The following OTUD7B variants were observed in gnomAD, a reference collection of about 807,000 sequenced individuals.
The protein encoded by OTUD7B is OTU domain-containing protein 7B.
Under a neutral mutation model 82.2 loss-of-function variants are expected in OTUD7B, and 34 were observed. The observed-to-expected ratio is 0.41, with a 90% CI of 0.31 to 0.55. OTUD7B has a LOEUF of 0.55. Among genes scored for constraint, OTUD7B ranks in the 20% least tolerant of loss-of-function variants. The pLI is 0.20. For synonymous variants in OTUD7B, 398 were observed against 402.7 expected (o/e 0.99, Z 0.14); for missense variants, 944 against 1,062.1 (o/e 0.89, Z 1.55).
the OTUD7B span, among the ~76,000 whole-genome samples, chr1:150,036,398 T>C: frequency 1.3e-5 from 2 of 151,828 alleles, no homozygotes; most frequent in African/African-American, 4.8e-5. Flanking sequence ...TAGCTGGGAT[T>C]ACAGGCATGT....
chr1:150,030,655 A>G, the OTUD7B span, among the ~76,000 whole-genome samples: 3 of 152,166 alleles, frequency 2.0e-5, no homozygotes, highest in Admixed American at 2.0e-4. Flanking sequence ...GCTTCTTGAA[A>G]TGTACACCAA....
intron 6 of OTUD7B, chr1:149,960,923 CTTTTTTTTTT>C (rs781962716): frequency 1.1e-5 from 1 of 91,598 alleles, no homozygotes; most frequent in Admixed American, 1.6e-4. Flanking sequence ...TGGATACCTT[CTTTTTTTTTT>C]TTTTTTTTTT....
chr1:149,958,027 G>A (rs1317748028), intron 7 of OTUD7B, among the ~76,000 whole-genome samples: 1 of 152,162 alleles, frequency 6.6e-6, no homozygotes, highest in Admixed American at 6.5e-5. Context: ...ACGCTCCGTG[G>A]GCTATACCCA....
chr1:149,995,811 G>A (rs1651886472), intron 1 of OTUD7B, among the ~76,000 whole-genome samples: 1 of 152,120 alleles, frequency 6.6e-6, no homozygotes, highest in Non-Finnish European at 1.5e-5. Flanking sequence ...CACGGTAATA[G>A]TGGCCGTAAT....
At position 149,940,497 on chromosome 1, in the gene OTUD7B, G is replaced by A. The variant is rs2092754077; in HGVS notation, c.*3360C>T. 1 of 152,110 alleles carries A rather than the reference G, an allele frequency of 6.6e-6. No individual in the cohort carries two copies. The highest frequency in any genetic ancestry group is 6.6e-5 in the Admixed American group (1 of 15,264). The allele number at this position is 152,110 out of a possible 1,614,324, so 9.4% of individuals were successfully genotyped here. On this transcript the variant is annotated 3_prime_UTR_variant, in exon 12 of 12. Transcript: ENST00000581312. ...GAGATGGGGCAGAGAGCACAGCAGG[G>A]AGGGAGTAGCACTGTCTAACATCAA...
the OTUD7B span, chr1:150,050,555 C>A: frequency 6.6e-6 from 1 of 152,146 alleles, no homozygotes; most frequent in African/African-American, 2.4e-5. Flanking sequence ...TGATTTGAAT[C>A]TTACAGCAAT....
At chr1:150,003,580 C>T (rs1028288423) in intron 1 of OTUD7B, among the ~76,000 whole-genome samples, 9 of 152,168 alleles carry the variant, frequency 5.9e-5, no homozygotes, top group African/African-American at 1.7e-4. Flanking sequence ...CAGCATCTAT[C>T]ACACTTCATT....
intron 1 of OTUD7B, among the ~76,000 whole-genome samples, chr1:149,996,676 T>C (rs1256887221): frequency 6.6e-6 from 1 of 152,234 alleles, no homozygotes; most frequent in African/African-American, 2.4e-5. Flanking sequence ...ATCTGTAAGG[T>C]TGCATAACAG....
intron 8 of OTUD7B, 63 bp downstream of exon 8, chr1:149,950,031 T>C (rs1559827266): frequency 1.3e-6 from 2 of 1,595,168 alleles, no homozygotes; most frequent in Non-Finnish European, 1.7e-6. Context: ...CTTCCAATGC[T>C]TAGCCTAAGG....
chr1:150,050,185 C>A, the OTUD7B span, among the ~76,000 whole-genome samples: 3 of 151,404 alleles, frequency 2.0e-5, no homozygotes, highest in Admixed American at 1.3e-4. Flanking sequence ...TCCAGGGAGA[C>A]CCTGTCTCAA....
chr1:150,051,240 A>AAG, the OTUD7B span, among the ~76,000 whole-genome samples: 3 of 150,970 alleles, frequency 2.0e-5, 1 homozygote, highest in African/African-American at 7.3e-5. Flanking sequence ...AAAAAAAAAA[A>AAG]AAAAAAAAAC....
chr1:150,041,990 T>C, the OTUD7B span, among the ~76,000 whole-genome samples: 1 of 152,180 alleles, frequency 6.6e-6, no homozygotes, highest in African/African-American at 2.4e-5. Flanking sequence ...TTTTCAGTAT[T>C]GTCTTTAATT....
chr1:150,039,835 C>T, the OTUD7B span, among the ~76,000 whole-genome samples: 2,467 of 152,204 alleles, frequency 0.016, 65 homozygotes, highest in African/African-American at 0.057. Context: ...AGAGCAGATA[C>T]TGATTTTGTT....
chr1:150,013,791 G>A (rs1326651860), upstream of OTUD7B, among the ~76,000 whole-genome samples: 2 of 150,400 alleles, frequency 1.3e-5, no homozygotes, highest in Non-Finnish European at 3.0e-5. Flanking sequence ...GCGAGGTGGC[G>A]GGCGCCTGTA....
chr1:149,978,317 G>C (rs993376491), intron 1 of OTUD7B, among the ~76,000 whole-genome samples: 15 of 152,124 alleles, frequency 9.9e-5, no homozygotes, highest in African/African-American at 3.4e-4. Context: ...GACCAGCCTG[G>C]CCAACATGGC....
At chr1:150,012,904 G>A (rs1472319531), upstream of OTUD7B, among the ~76,000 whole-genome samples, 1 of 152,204 alleles carries the variant, frequency 6.6e-6, no homozygotes, top group Non-Finnish European at 1.5e-5. Flanking sequence ...GGCCACCTGG[G>A]TTCTGGTCCC....
the OTUD7B span, among the ~76,000 whole-genome samples, chr1:150,048,743 G>C: frequency 3.2e-4 from 49 of 151,976 alleles, no homozygotes. Context: ...ACAGTATGTG[G>C]ATATAAACAA....
intron 2 of OTUD7B, among the ~76,000 whole-genome samples, chr1:149,972,116 G>A (rs1649981040): frequency 6.6e-6 from 1 of 152,098 alleles, no homozygotes; most frequent in South Asian, 2.1e-4. Flanking sequence ...GGCTTTGTAT[G>A]TCCTGGCCTA....
chr1:150,027,541 C>A, the OTUD7B span, among the ~76,000 whole-genome samples: 1 of 152,086 alleles, frequency 6.6e-6, no homozygotes, highest in Non-Finnish European at 1.5e-5. Context: ...GAGCTGAGAT[C>A]AGGCCGCTGC....
Sources: gnomAD v4.1 joint callset for allele counts (sites outside exome capture counted in the v4.1 genomes callset) on GRCh38, gnomAD v4.1.1 for gene constraint, MANE v1.5 for transcripts, NCBI Gene and HGNC (gene_info 2026-07-23, HGNC 2026-07-21) for gene names.